Variants in TAFA5 observed in about 807,000 individuals in gnomAD.
TAFA5 encodes chemokine-like protein TAFA-5.
In TAFA5, 6 loss-of-function variants were observed where a neutral mutation model predicts 15.3. The observed-to-expected ratio is 0.39, with a 90% CI of 0.21 to 0.77. TAFA5 has a LOEUF of 0.77. TAFA5 is among the 30% of genes least tolerant of loss of function. TAFA5 has a pLI of 0.41. For synonymous variants in TAFA5, 103 were observed against 80.7 expected (o/e 1.28, Z -1.48); for missense variants, 161 against 193.1 (o/e 0.83, Z 0.98).
At chr22:48,680,803 C>T (rs549005751) in intron 2 of TAFA5, among the ~76,000 whole-genome samples, 8 of 152,250 alleles carry the variant, frequency 5.3e-5, no homozygotes, top group Non-Finnish European at 7.3e-5. Context: ...CTGCAGACAC[C>T]TGCACCTGTG....
At chr22:48,535,766 T>C (rs1488955516) in intron 1 of TAFA5, among the ~76,000 whole-genome samples, 1 of 150,960 alleles carries the variant, frequency 6.6e-6, no homozygotes, top group Non-Finnish European at 1.5e-5. Flanking sequence ...CTGGCACATG[T>C]ATGAGCACTC....
intron 1 of TAFA5, among the ~76,000 whole-genome samples, chr22:48,603,679 G>A (rs992619746): frequency 5.3e-5 from 8 of 152,206 alleles, no homozygotes; most frequent in Admixed American, 5.2e-4. Flanking sequence ...GCCCACAGAG[G>A]TGCAGCTGCC....
intron 3 of TAFA5, among the ~76,000 whole-genome samples, chr22:48,714,846 G>A (rs1009358412): frequency 6.6e-6 from 1 of 152,170 alleles, no homozygotes; most frequent in African/African-American, 2.4e-5. Flanking sequence ...TGCTGTCTTG[G>A]GAGGCTCTCG....
At chr22:48,674,909 A>G (rs75382806) in intron 2 of TAFA5, among the ~76,000 whole-genome samples, 1,893 of 151,562 alleles carry the variant, frequency 0.012, 17 homozygotes, top group African/African-American at 0.028. Context: ...GAGACTGCGT[A>G]GCCACAGAGG....
chr22:48,584,629 T>C (rs1411401842), intron 1 of TAFA5, among the ~76,000 whole-genome samples: 1 of 122,548 alleles, frequency 8.2e-6, no homozygotes, highest in Non-Finnish European at 1.7e-5. Context: ...CACACACCAC[T>C]CACAAAATAC....
intron 3 of TAFA5, among the ~76,000 whole-genome samples, chr22:48,723,318 G>A (rs1049212757): frequency 5.9e-5 from 9 of 152,196 alleles, no homozygotes; most frequent in African/African-American, 1.9e-4. Flanking sequence ...AGAAGGATTT[G>A]TGTCTGCATC....
rs367606360 is a variant in TAFA5 at position 48,490,131 on chromosome 22, G to C, written c.112+427G>C. ...CCCCGTGCCTCAGCCCGGGACAAGG[G>C]GGGAGGCGGCGGCCGAGCCCGGAGA... is the stretch of plus-strand genomic sequence containing the variant. On this transcript the variant is annotated intron_variant, in intron 1 of 3. Transcript: ENST00000402357. The surrounding 1 kb of genome is among the most constrained non-coding windows in gnomAD (Gnocchi z 5.8). Among the ~76,000 whole-genome samples the C allele has an allele frequency of 4.2e-3, 645 of 152,262 alleles. 7 individuals carry two copies. The highest frequency in any genetic ancestry group is 0.017 in the Middle Eastern group (5 of 292).
chr22:48,730,127 G>A (rs1028911393), intron 3 of TAFA5, among the ~76,000 whole-genome samples: 5 of 152,216 alleles, frequency 3.3e-5, no homozygotes, highest in Non-Finnish European at 7.3e-5. Context: ...GCTTACGCCT[G>A]TAATCCCAGC....
intron 1 of TAFA5, among the ~76,000 whole-genome samples, chr22:48,558,914 G>A (rs1923132080): frequency 6.6e-6 from 1 of 152,234 alleles, no homozygotes; most frequent in South Asian, 2.1e-4. Context: ...GAGCATGGCG[G>A]GAAATTCACA....
At chr22:48,613,243 C>T (rs1238829082) in intron 1 of TAFA5, among the ~76,000 whole-genome samples, 2 of 152,210 alleles carry the variant, frequency 1.3e-5, no homozygotes, top group Middle Eastern at 3.2e-3. Context: ...CAACACAGGT[C>T]CTTTCACTGA....
chr22:48,594,192 A>G (rs994102519), intron 1 of TAFA5, among the ~76,000 whole-genome samples: 1 of 152,204 alleles, frequency 6.6e-6, no homozygotes, highest in African/African-American at 2.4e-5. Flanking sequence ...GCTCTTGGCC[A>G]GTGGAACTGC....
At chr22:48,531,802 G>T (rs779978451) in intron 1 of TAFA5, among the ~76,000 whole-genome samples, 16 of 152,162 alleles carry the variant, frequency 1.1e-4, no homozygotes, top group Non-Finnish European at 1.8e-4. Context: ...GAGAGGCTGG[G>T]AGGCTGACCC....
At chr22:48,721,344 T>C (rs942627618) in intron 3 of TAFA5, among the ~76,000 whole-genome samples, 70 of 152,316 alleles carry the variant, frequency 4.6e-4, no homozygotes, top group African/African-American at 1.6e-3. Flanking sequence ...GCCCGCTGCG[T>C]GTGACCTCAG....
At chr22:48,572,686 T>A (rs1336102228) in intron 1 of TAFA5, among the ~76,000 whole-genome samples, 1 of 152,194 alleles carries the variant, frequency 6.6e-6, no homozygotes, top group East Asian at 1.9e-4. Context: ...AAATACCTGA[T>A]GAAGAAGATC....
At chr22:48,636,469 C>A (rs1183294795) in intron 1 of TAFA5, among the ~76,000 whole-genome samples, 2 of 151,998 alleles carry the variant, frequency 1.3e-5, no homozygotes, top group East Asian at 3.9e-4. Flanking sequence ...AATCCTCATA[C>A]TAAGTGTCTG....
At chr22:48,565,030 T>A (rs1923363245) in intron 1 of TAFA5, among the ~76,000 whole-genome samples, 1 of 152,270 alleles carries the variant, frequency 6.6e-6, no homozygotes, top group African/African-American at 2.4e-5. Flanking sequence ...CTCTGCACTC[T>A]GCCTTCTCAT....
chr22:48,665,536 G>A (rs115561006), intron 2 of TAFA5, among the ~76,000 whole-genome samples: 1,431 of 113,084 alleles, frequency 0.013, 23 homozygotes, highest in African/African-American at 0.049. Context: ...GGGTCTACCA[G>A]CCGTTTCTGA....
At chr22:48,626,028 T>C (rs2147185733) in intron 1 of TAFA5, among the ~76,000 whole-genome samples, 1 of 152,344 alleles carries the variant, frequency 6.6e-6, no homozygotes, top group Non-Finnish European at 1.5e-5. Context: ...CTTGGCAGCA[T>C]CTTGTTATCC....
chr22:48,507,076 C>T (rs539757131), intron 1 of TAFA5, among the ~76,000 whole-genome samples: 1 of 152,062 alleles, frequency 6.6e-6, no homozygotes, highest in East Asian at 1.9e-4. Flanking sequence ...AGGAGATGGT[C>T]ATCAAGGGCC....
Sources: gnomAD v4.1 joint callset for allele counts (sites outside exome capture counted in the v4.1 genomes callset) on GRCh38, gnomAD v4.1.1 for gene constraint, Gnocchi (gnomAD v3.1) non-coding constraint, MANE v1.5 for transcripts, NCBI Gene and HGNC (gene_info 2026-07-23, HGNC 2026-07-21) for gene names.